The following C10orf71 variants were observed in gnomAD, a reference collection of about 807,000 sequenced individuals.
The protein encoded by C10orf71 is cardiac-enriched FHL2-interacting protein.
For synonymous variants in C10orf71, 758 were observed against 726.3 expected, an observed-to-expected ratio of 1.04 and a Z score of -0.70; for missense variants, 1,869 against 1,804.5, an observed-to-expected ratio of 1.04 and a Z score of -0.65.
intron 1 of C10orf71, among the ~76,000 whole-genome samples, chr10:49,312,570 A>G (rs1848934156): frequency 6.6e-6 from 1 of 152,226 alleles, no homozygotes; most frequent in Admixed American, 6.5e-5. Flanking sequence ...GGCCCTCCAG[A>G]AGGCATCAAA....
chr10:49,322,905 G>T lies in C10orf71; in HGVS notation c.360G>T (p.Thr120=). Residue 120 remains threonine, a synonymous_variant, in exon 3 of 3, where the codon ACG becomes ACT. Coordinates refer to ENST00000374144, the MANE Select transcript of C10orf71 (RefSeq NM_001135196.2). ...ACCCCAAAACCAGCCCCCCACCAAC[G>T]CCAGTCCAGAGGAGACTGGAGGTGC... The part of the protein sequence containing the change: ...EKYPKTSPPP[T]PVQRRLEVPV... 9 of 1,613,848 alleles carry T rather than the reference G, an allele frequency of 5.6e-6. No homozygotes were observed. Among genetic ancestry groups the T allele is most frequent in the Non-Finnish European group, 7.6e-6 (9 of 1,179,824 alleles).
chr10:49,310,814 A>T (rs941066957), intron 1 of C10orf71, among the ~76,000 whole-genome samples: 2 of 151,710 alleles, frequency 1.3e-5, no homozygotes, highest in Admixed American at 6.6e-5. Context: ...GATGATGATG[A>T]TGATGAAGAA....
chr10:49,325,820 A>C lies in C10orf71; in HGVS notation c.3275A>C (p.Glu1092Ala), dbSNP rs1000379148. 57 of 1,551,202 alleles carry C rather than the reference A, an allele frequency of 3.7e-5. No homozygotes were observed. Among genetic ancestry groups the C allele is most frequent in the Non-Finnish European group, 4.7e-5 (54 of 1,146,876 alleles). The change falls in exon 3 of 3, where the codon GAG becomes GCG. Residue 1092 changes from glutamate to alanine, a missense_variant. Coordinates refer to ENST00000374144, the MANE Select transcript of C10orf71 (RefSeq NM_001135196.2). ...APGGPELLPE[E>A]PNQASPWASS... ...GGAGGACCAGAGCTGCTTCCCGAGG[A>C]GCCTAATCAAGCCAGCCCCTGGGCC... is the stretch of plus-strand genomic sequence containing the variant.
At chr10:49,300,170 T>A (rs995721267) in intron 1 of C10orf71, among the ~76,000 whole-genome samples, 1 of 152,210 alleles carries the variant, frequency 6.6e-6, no homozygotes, top group African/African-American at 2.4e-5. Flanking sequence ...GGAAGCAGAT[T>A]AAACAGATGT....
In C10orf71 at chr10:49,325,279, G is replaced by C. The variant is rs1374915719; in HGVS notation, c.2734G>C (p.Asp912His). 1 of 1,551,632 alleles carries C rather than the reference G, an allele frequency of 6.4e-7. No homozygotes were observed. The highest frequency in any genetic ancestry group is 2.0e-5 in the Admixed American group (1 of 50,988). ...TGGGTTTTGTGCCCCCGAAAACCAG[G>C]ACATTCTTGGTACATCGACACCCAC... ...DPGFCAPENQ[D>H]ILGTSTPTNT... Residue 912 changes from aspartate to histidine, a missense_variant, in exon 3 of 3, where the codon GAC becomes CAC. Physicochemically the swap from Asp to His is moderately conservative, Grantham distance 81. Coordinates refer to ENST00000374144, the MANE Select transcript of C10orf71 (RefSeq NM_001135196.2).
At position 49,324,333 on chromosome 10, in the gene C10orf71, T is replaced by G. The variant is rs2132437167; in HGVS notation, c.1788T>G (p.Thr596=). The stretch of plus-strand genomic sequence containing the variant: ...ATCTAACTCTTAGCACAGCTCCGAC[T>G]ATCGCCAAAGCCCCCTTCTATGTCA... ...DSYLTLSTAP[T]IAKAPFYVNG... Residue 596 remains threonine (T), a synonymous_variant, in exon 3 of 3, where the codon ACT becomes ACG. Transcript: ENST00000374144. 2 of 1,613,820 alleles carry G rather than the reference T, an allele frequency of 1.2e-6. No individual in the cohort carries two copies. Among genetic ancestry groups the G allele is most frequent in the Non-Finnish European group, 1.7e-6 (2 of 1,179,854 alleles).
At chr10:49,303,263 G>T (rs1484916097) in intron 1 of C10orf71, among the ~76,000 whole-genome samples, 2 of 152,178 alleles carry the variant, frequency 1.3e-5, no homozygotes, top group African/African-American at 4.8e-5. Context: ...GTGCGGAAGA[G>T]GTCATGGATC....
chr10:49,322,193 T>A (rs1035727930), intron 2 of C10orf71, among the ~76,000 whole-genome samples: 1 of 152,222 alleles, frequency 6.6e-6, no homozygotes, highest in Non-Finnish European at 1.5e-5. Flanking sequence ...ACTGCTTTAC[T>A]TAAAGTCTAC....
At chr10:49,305,253 G>A (rs956938134) in intron 1 of C10orf71, among the ~76,000 whole-genome samples, 1 of 152,138 alleles carries the variant, frequency 6.6e-6, no homozygotes, top group Non-Finnish European at 1.5e-5. Context: ...GTCACAGTGT[G>A]GTGCTGAGCA....
chr10:49,326,924 AAC>A lies in C10orf71; in HGVS notation c.*108_*109del. The A allele has an allele frequency of 4.6e-3, 4,826 of 1,044,420 alleles. 17 individuals are homozygous for A. In the African/African-American group the frequency reaches 0.051, roughly 11 times the overall value. 64.7% of individuals were successfully genotyped at this position (1,044,420 alleles called of 1,614,324 possible). A position where few individuals can be genotyped will look rare whatever the true frequency, so the allele number is the denominator to read the frequency against. On this transcript the variant is annotated 3_prime_UTR_variant, in exon 3 of 3. Transcript: ENST00000374144. Reference sequence around the variant, plus strand: ...TACTTCCCCCTCCCCCAAAACAAGCAACACACACACACACACACACACACACA... The same window carrying A: ...TACTTCCCCCTCCCCCAAAACAAGCAACACACACACACACACACACACACA...
chr10:49,317,620 G>A (rs1849021530), intron 2 of C10orf71, among the ~76,000 whole-genome samples: 3 of 152,166 alleles, frequency 2.0e-5, no homozygotes, highest in African/African-American at 7.2e-5. Context: ...GGAGGCAAAG[G>A]TGGACAGATT....
chr10:49,306,363 T>C (rs1156424172), intron 1 of C10orf71, among the ~76,000 whole-genome samples: 1 of 152,238 alleles, frequency 6.6e-6, no homozygotes, highest in Non-Finnish European at 1.5e-5. Flanking sequence ...TATCCCTTTT[T>C]TCCAGGTGTA....
At chr10:49,313,912 C>G (rs750456221) in intron 1 of C10orf71, among the ~76,000 whole-genome samples, 2 of 152,060 alleles carry the variant, frequency 1.3e-5, no homozygotes, top group African/African-American at 4.8e-5. Context: ...TGGATGTTTG[C>G]GGGGACCATG....
chr10:49,304,691 G>T (rs1370766604), intron 1 of C10orf71, among the ~76,000 whole-genome samples: 1 of 152,230 alleles, frequency 6.6e-6, no homozygotes, highest in Admixed American at 6.5e-5. Context: ...ACCCTCCGGG[G>T]CTGCTTTCAG....
At chr10:49,303,726 A>G (rs1848766093) in intron 1 of C10orf71, among the ~76,000 whole-genome samples, 1 of 152,268 alleles carries the variant, frequency 6.6e-6, no homozygotes, top group South Asian at 2.1e-4. Flanking sequence ...AGCATCTTTC[A>G]GCTTTAAATT....
Position 49,326,712 on chromosome 10 carries a change from C to T in C10orf71, c.4167C>T (p.His1389=), listed in dbSNP as rs1168385610. 3 of 1,551,068 alleles carry T rather than the reference C, an allele frequency of 1.9e-6. No homozygotes were observed. The highest frequency in any genetic ancestry group is 1.4e-5 in the African/African-American group (1 of 73,012). Reference sequence around the variant, plus strand: ...GACTACAGCTGGACCCAGGGCCTCACGGTGACTGCACCCCGCACTCTGCAG... The same window carrying T: ...GACTACAGCTGGACCCAGGGCCTCATGGTGACTGCACCCCGCACTCTGCAG... The part of the protein sequence containing the change: ...ESGLQLDPGP[H]GDCTPHSAGQ... Residue 1389 remains histidine (H), a synonymous_variant, in exon 3 of 3, where the codon CAC becomes CAT. Transcript: ENST00000374144.
chr10:49,308,061 C>T (rs750191595), intron 1 of C10orf71, among the ~76,000 whole-genome samples: 3 of 152,200 alleles, frequency 2.0e-5, no homozygotes, highest in African/African-American at 4.8e-5. Flanking sequence ...GGCCAGAAGT[C>T]AGCTTCAGGC....
At position 49,326,128 on chromosome 10, in the gene C10orf71, G is replaced by A. The variant is rs1849237470; in HGVS notation, c.3583G>A (p.Asp1195Asn). 2 of 1,551,592 alleles carry A rather than the reference G, an allele frequency of 1.3e-6. No homozygotes were observed. Among genetic ancestry groups the A allele is most frequent in the African/African-American group, 2.7e-5 (2 of 73,050 alleles). ...GCTGGCAAGTAAGAGGAGGAAGACG[G>A]ATCAGGCTCAGGAGAAGCATGGCGA... is the stretch of plus-strand genomic sequence containing the variant. ...KKLASKRRKT[D>N]QAQEKHGESQ... Residue 1195 changes from aspartate to asparagine, a missense_variant, in exon 3 of 3, where the codon GAT (aspartate) becomes AAT (asparagine). Physicochemically the swap from Asp to Asn is conservative, Grantham distance 23. Coordinates refer to ENST00000374144, the MANE Select transcript of C10orf71 (RefSeq NM_001135196.2).
In C10orf71 at chr10:49,322,916, G is replaced by T. The variant is rs749704649; in HGVS notation, c.371G>T (p.Arg124Met). Residue 124 changes from arginine to methionine, a missense_variant, in exon 3 of 3, where the codon AGG (arginine) becomes ATG (methionine). Transcript: ENST00000374144. ...AGCCCCCCACCAACGCCAGTCCAGA[G>T]GAGACTGGAGGTGCCAGTTTCCGGC... ...KTSPPPTPVQRRLEVPVSGLR... is the reference protein window; with the variant it reads ...KTSPPPTPVQMRLEVPVSGLR... The T allele has an allele frequency of 6.2e-7, 1 of 1,613,910 alleles. No individual in the cohort carries two copies. Among genetic ancestry groups the T allele is most frequent in the Non-Finnish European group, 8.5e-7 (1 of 1,179,848 alleles).
Sources: gnomAD v4.1 joint callset for allele counts (sites outside exome capture counted in the v4.1 genomes callset) on GRCh38, gnomAD v4.1.1 for gene constraint, MANE v1.5 for transcripts, NCBI Gene and HGNC (gene_info 2026-07-23, HGNC 2026-07-21) for gene names.